The following AUH variants were observed in gnomAD, a reference collection of about 807,000 sequenced individuals.
The protein encoded by AUH is AU RNA binding methylglutaconyl-CoA hydratase.
A neutral mutation model predicts 42.3 loss-of-function variants in AUH; 29 were observed. The ratio of observed to expected loss-of-function variants is 0.69; its 90% CI spans 0.51 to 0.93. The LOEUF (loss-of-function observed/expected upper bound fraction) is 0.93, where lower values mean the gene tolerates loss of function less well. Among genes scored for constraint, AUH ranks in the 40% least tolerant of loss-of-function variants. AUH has a pLI of 0.00. For synonymous variants in AUH, 174 were observed against 166.4 expected, an observed-to-expected ratio of 1.05 and a Z score of -0.35; for missense variants, 452 against 438.1, an observed-to-expected ratio of 1.03 and a Z score of -0.28.
At chr9:91,300,993 G>A (rs915700620) in intron 4 of AUH, among the ~76,000 whole-genome samples, 3 of 152,096 alleles carry the variant, frequency 2.0e-5, no homozygotes, top group Non-Finnish European at 2.9e-5. Context: ...ACTCAATAAC[G>A]TTCTTACTAA....
At chr9:91,216,950 C>T (rs1423035288) in intron 8 of AUH, among the ~76,000 whole-genome samples, 1 of 152,232 alleles carries the variant, frequency 6.6e-6, no homozygotes, top group East Asian at 1.9e-4. Flanking sequence ...TAAAAATGCA[C>T]AGAATGCCCT....
intron 3 of AUH, among the ~76,000 whole-genome samples, chr9:91,350,056 A>T (rs1564128048): frequency 6.6e-6 from 1 of 152,246 alleles, no homozygotes; most frequent in Admixed American, 6.5e-5. Context: ...AATTTGGGGT[A>T]TAGCACACCA....
chr9:91,318,025 TCTC>T (rs1156410683), intron 4 of AUH, among the ~76,000 whole-genome samples: 1 of 152,222 alleles, frequency 6.6e-6, no homozygotes, highest in African/African-American at 2.4e-5. Flanking sequence ...AGTGAGGCTG[TCTC>T]CTCCTATTCC....
At chr9:91,277,383 T>C (rs796986544) in intron 6 of AUH, among the ~76,000 whole-genome samples, 9 of 152,300 alleles carry the variant, frequency 5.9e-5, no homozygotes, top group African/African-American at 2.2e-4. Flanking sequence ...AAAAATGTAG[T>C]ATTATCAACA....
At chr9:91,247,494 C>T (rs946956631) in intron 6 of AUH, among the ~76,000 whole-genome samples, 37 of 152,210 alleles carry the variant, frequency 2.4e-4, no homozygotes, top group African/African-American at 8.7e-4. Context: ...CTTGTCCTGC[C>T]CCCTCCCTCC....
At chr9:91,318,230 C>A (rs1829306729) in intron 4 of AUH, among the ~76,000 whole-genome samples, 2 of 152,194 alleles carry the variant, frequency 1.3e-5, no homozygotes, top group Admixed American at 1.3e-4. Context: ...CTGGTGCTTT[C>A]TCTGTGAAAA....
chr9:91,220,660 T>TG, intron 7 of AUH, 145 bp downstream of exon 7: 2 of 759,648 alleles, frequency 2.6e-6, no homozygotes, highest in East Asian at 5.4e-5. Context: ...CTTGTGTAAC[T>TG]GCTCTAGTTT....
rs78776488 is a variant in AUH at position 91,277,572 on chromosome 9, T to C, written c.655+18449A>G. On this transcript the variant is annotated intron_variant, in intron 6 of 9. Transcript: ENST00000375731. ...GAAGAGAATGTATAATATAATAATTTTAGGGAAAAAATCTATGTATGTATG... is the reference window on the plus strand; with the variant it reads ...GAAGAGAATGTATAATATAATAATTCTAGGGAAAAAATCTATGTATGTATG... Among the ~76,000 whole-genome samples the C allele has an allele frequency of 3.0e-3, 463 of 152,230 alleles. 5 individuals carry two copies. Among genetic ancestry groups the C allele is most frequent in the African/African-American group, 0.011 (442 of 41,538 alleles).
At chr9:91,344,179 T>A (rs1831310815) in intron 3 of AUH, among the ~76,000 whole-genome samples, 1 of 152,230 alleles carries the variant, frequency 6.6e-6, no homozygotes, top group South Asian at 2.1e-4. Context: ...GCTTCCCACC[T>A]GAAGGCTTCA....
chr9:91,338,957 C>A (rs1256674924), intron 3 of AUH, among the ~76,000 whole-genome samples: 1 of 151,986 alleles, frequency 6.6e-6, no homozygotes, highest in Non-Finnish European at 1.5e-5. Flanking sequence ...ACTTCTGAAA[C>A]CATATTAATA....
intron 6 of AUH, 145 bp from the exon 7 acceptor site, chr9:91,221,137 A>G: frequency 1.1e-6 from 1 of 891,992 alleles, no homozygotes; most frequent in Non-Finnish European, 1.7e-6. Context: ...ACTTCAGAAC[A>G]GAATCTAATT....
At chr9:91,220,600 T>C (rs991059211) in intron 7 of AUH, among the ~76,000 whole-genome samples, 1 of 152,206 alleles carries the variant, frequency 6.6e-6, no homozygotes, top group Non-Finnish European at 1.5e-5. Context: ...ATAAGACCCT[T>C]GGAGCATCTT....
chr9:91,224,635 T>C (rs1212096803), intron 6 of AUH, among the ~76,000 whole-genome samples: 1 of 152,194 alleles, frequency 6.6e-6, no homozygotes, highest in African/African-American at 2.4e-5. Flanking sequence ...GCATAGGGTA[T>C]AAAGTATTCC....
chr9:91,313,775 C>CAGAA (rs1180257296), intron 4 of AUH, among the ~76,000 whole-genome samples: 3 of 149,456 alleles, frequency 2.0e-5, no homozygotes, highest in Non-Finnish European at 4.4e-5. Flanking sequence ...AAAAGAGAGC[C>CAGAA]AGAAAGAAAG....
intron 4 of AUH, among the ~76,000 whole-genome samples, chr9:91,303,923 C>A (rs181676690): frequency 2.0e-5 from 3 of 152,132 alleles, no homozygotes; most frequent in African/African-American, 2.4e-5. Context: ...GGCCTGCAGG[C>A]TGGCTGGGCT....
chr9:91,339,944 A>C (rs757598672), intron 3 of AUH, among the ~76,000 whole-genome samples: 2 of 152,142 alleles, frequency 1.3e-5, no homozygotes, highest in African/African-American at 2.4e-5. Context: ...AGGTGGCTGG[A>C]ATTTACAGGG....
At chr9:91,239,204 G>A (rs1469536439) in intron 6 of AUH, among the ~76,000 whole-genome samples, 2 of 150,986 alleles carry the variant, frequency 1.3e-5, no homozygotes, top group Non-Finnish European at 2.9e-5. Flanking sequence ...AGAGCACAAA[G>A]AAAGAAGTCA....
chr9:91,242,237 G>A (rs1389370294), intron 6 of AUH, among the ~76,000 whole-genome samples: 1 of 152,162 alleles, frequency 6.6e-6, no homozygotes, highest in African/African-American at 2.4e-5. Flanking sequence ...CACTCCACAG[G>A]CAGCATTACA....
chr9:91,241,334 T>C (rs12686257), intron 6 of AUH, among the ~76,000 whole-genome samples: 18,575 of 152,204 alleles, frequency 0.12, 1,631 homozygotes, highest in African/African-American at 0.25. Flanking sequence ...TAACCAACTA[T>C]GTCTTACATG....
Sources: allele counts gnomAD v4.1 joint callset (sites outside exome capture counted in the v4.1 genomes callset), GRCh38; gene constraint gnomAD v4.1.1; transcripts MANE v1.5; gene names NCBI Gene and HGNC (gene_info 2026-07-23, HGNC 2026-07-21).